The following TMEM132C variants were observed in gnomAD, a reference collection of about 807,000 sequenced individuals.
The protein encoded by TMEM132C is transmembrane protein 132C.
Under a neutral mutation model 61.4 loss-of-function variants are expected in TMEM132C, and 29 were observed. That is an observed-to-expected ratio of 0.47 (90% CI 0.35 to 0.64). The LOEUF (loss-of-function observed/expected upper bound fraction) is 0.64. Among genes scored for constraint, TMEM132C ranks in the 30% least tolerant of loss-of-function variants. The pLI, the probability that TMEM132C is intolerant of heterozygous loss-of-function variation, is 0.00. For synonymous variants in TMEM132C, 656 were observed against 633.1 expected, an observed-to-expected ratio of 1.04 and a Z score of -0.54; for missense variants, 1,408 against 1,476.9, an observed-to-expected ratio of 0.95 and a Z score of 0.76.
At chr12:128,687,350 T>G (rs11831893) in intron 5 of TMEM132C, among the ~76,000 whole-genome samples, 1 of 151,952 alleles carries the variant, frequency 6.6e-6, no homozygotes, top group East Asian at 1.9e-4. Context: ...CACTGTAAGA[T>G]GTTGAGTACC....
chr12:128,417,257 A>G (rs1208700792), intron 2 of TMEM132C, among the ~76,000 whole-genome samples: 1 of 152,096 alleles, frequency 6.6e-6, no homozygotes, highest in Non-Finnish European at 1.5e-5. Flanking sequence ...CCAGCATGGC[A>G]TGCTAAGTAG....
chr12:128,268,948 G>A (rs1346252889), intron 1 of TMEM132C, among the ~76,000 whole-genome samples: 1 of 113,860 alleles, frequency 8.8e-6, no homozygotes, highest in Non-Finnish European at 1.7e-5. Flanking sequence ...AGGGGGGAAA[G>A]GGGGTGAGAG....
intron 3 of TMEM132C, among the ~76,000 whole-genome samples, chr12:128,593,473 G>A (rs1479099305): frequency 4.6e-5 from 7 of 152,292 alleles, no homozygotes; most frequent in South Asian, 2.1e-4. Flanking sequence ...TGCAGATTGC[G>A]ATGTGGAGAC....
chr12:128,467,060 G>T (rs1191677327), intron 2 of TMEM132C, among the ~76,000 whole-genome samples: 1 of 152,218 alleles, frequency 6.6e-6, no homozygotes, highest in Admixed American at 6.5e-5. Context: ...GAGGCAGCTG[G>T]AAGGTCAGGC....
chr12:128,307,359 C>T (rs540039828), intron 1 of TMEM132C, among the ~76,000 whole-genome samples: 1 of 151,524 alleles, frequency 6.6e-6, no homozygotes, highest in African/African-American at 2.4e-5. Context: ...AGAAATTCAG[C>T]AATGTCTAAG....
rs1241912225 is a variant in TMEM132C, at chr12:128,554,326, G to T, written c.1121+10223G>T. Among the ~76,000 whole-genome samples the T allele has an allele frequency of 2.0e-5, 3 of 152,314 alleles. No homozygotes were observed. The East Asian group carries it at 5.8e-4, about 29-fold the overall frequency. ...CAGGCTGTGAGAGGCGGGGAGGGTG[G>T]CCGGCTGCACCCTCTCAGAGGACAC... On this transcript the variant is annotated intron_variant, in intron 3 of 8. Transcript: ENST00000435159.
At chr12:128,578,270 T>C (rs1049049985) in intron 3 of TMEM132C, among the ~76,000 whole-genome samples, 1 of 152,188 alleles carries the variant, frequency 6.6e-6, no homozygotes, top group Non-Finnish European at 1.5e-5. Flanking sequence ...AATTAGAATA[T>C]AGGTCATGCC....
intron 5 of TMEM132C, among the ~76,000 whole-genome samples, chr12:128,684,290 A>G (rs1954657546): frequency 6.7e-6 from 1 of 150,296 alleles, no homozygotes; most frequent in Admixed American, 6.6e-5. Context: ...GTTGAAAGAA[A>G]GAATCCTGGT....
chr12:128,295,733 G>A (rs548840969), intron 1 of TMEM132C, among the ~76,000 whole-genome samples: 1 of 150,360 alleles, frequency 6.7e-6, no homozygotes, highest in African/African-American at 2.5e-5. Flanking sequence ...TCAGTGATCA[G>A]AGACCAGTCC....
chr12:128,415,609 C>T lies in TMEM132C; in HGVS notation c.963C>T (p.Leu321=), dbSNP rs775919379. ...TCTCGAGCAATTCCTCTGTGGACCTCTTCATCTTGAGGTAGGTGCCCATGC... is the reference window on the plus strand; with the variant it reads ...TCTCGAGCAATTCCTCTGTGGACCTTTTCATCTTGAGGTAGGTGCCCATGC... ...VTISSNSSVD[L]FILRAKVKKG... The change falls in exon 2 of 9, where the codon CTC becomes CTT. Residue 321 remains leucine (L), a synonymous_variant. Transcript: ENST00000435159. This position sits in a 1 kb window ranked among gnomAD's most constrained non-coding sequence, Gnocchi z 5.8. 32 of 1,529,452 alleles carry T rather than the reference C, an allele frequency of 2.1e-5. 1 individual carries two copies. In the South Asian group the frequency reaches 3.0e-4, roughly 14 times the overall value. The allele number at this position is 1,529,452 out of a possible 1,614,324, so 94.7% of individuals were successfully genotyped here.
chr12:128,562,383 G>A (rs573213254), intron 3 of TMEM132C, among the ~76,000 whole-genome samples: 1 of 152,294 alleles, frequency 6.6e-6, no homozygotes, highest in East Asian at 1.9e-4. Flanking sequence ...CCGTAAGGCT[G>A]TTCTCCATGC....
chr12:128,563,377 C>T (rs536453516), intron 3 of TMEM132C, among the ~76,000 whole-genome samples: 2 of 152,258 alleles, frequency 1.3e-5, no homozygotes, highest in Admixed American at 6.5e-5. Flanking sequence ...GAGGGCTCAA[C>T]TGCAAAGGAC....
Position 128,317,376 on chromosome 12 carries a change from C to T in TMEM132C, c.85+49889C>T, listed in dbSNP as rs550831323. 2.6e-5 allele frequency among the ~76,000 whole-genome samples: 4 copies of T among 152,212 alleles called. No homozygotes were observed. The East Asian group carries it at 5.8e-4, about 22-fold the overall frequency. ...AATGTTTATCAATTGTTTAGGGGTC[C>T]GGATCTTGGTACTGGATGTTCAAAT... On this transcript the variant is annotated intron_variant, in intron 1 of 8. Transcript: ENST00000435159.
intron 1 of TMEM132C, among the ~76,000 whole-genome samples, chr12:128,375,972 G>A (rs1330021680): frequency 1.3e-5 from 2 of 152,294 alleles, no homozygotes; most frequent in Non-Finnish European, 2.9e-5. Context: ...GCGGGATGTC[G>A]GAGCCCATGG....
chr12:128,643,702 A>G (rs991979036), intron 4 of TMEM132C, among the ~76,000 whole-genome samples: 1 of 152,140 alleles, frequency 6.6e-6, no homozygotes, highest in African/African-American at 2.4e-5. Context: ...ATAATATAAA[A>G]CATGTTATTG....
chr12:128,330,632 T>G (rs1451390532), intron 1 of TMEM132C, among the ~76,000 whole-genome samples: 1 of 152,242 alleles, frequency 6.6e-6, no homozygotes, highest in African/African-American at 2.4e-5. Context: ...TAGATCATCT[T>G]CTGACTGCTC....
At chr12:128,566,106 TCCTGAACTCCTGGCCTCAAGTGATC>T (rs1018737433) in intron 3 of TMEM132C, among the ~76,000 whole-genome samples, 9 of 147,250 alleles carry the variant, frequency 6.1e-5, no homozygotes, top group Admixed American at 5.5e-4. Flanking sequence ...GCCAGGCTGG[TCCTGAACTCCTGGCCTCAAGTGATC>T]CACCTGCCTC....
At chr12:128,395,089 A>G (rs1159728662) in intron 1 of TMEM132C, among the ~76,000 whole-genome samples, 1 of 151,706 alleles carries the variant, frequency 6.6e-6, no homozygotes, top group Non-Finnish European at 1.5e-5. Flanking sequence ...ATAGACATAT[A>G]TACAATCATA....
intron 4 of TMEM132C, among the ~76,000 whole-genome samples, chr12:128,620,936 G>T (rs919770431): frequency 6.6e-6 from 1 of 152,074 alleles, no homozygotes; most frequent in Non-Finnish European, 1.5e-5. Context: ...TCTGCAAAAT[G>T]ATTATCTAAT....
Sources: allele counts gnomAD v4.1 joint callset (sites outside exome capture counted in the v4.1 genomes callset), GRCh38; gene constraint gnomAD v4.1.1; non-coding constraint Gnocchi (gnomAD v3.1); transcripts MANE v1.5; gene names NCBI Gene and HGNC (gene_info 2026-07-23, HGNC 2026-07-21).